Variants in WDR64 observed in about 807,000 individuals in gnomAD.
WDR64 encodes the protein WD repeat domain 64, also known as WD repeat-containing protein 64.
Under a neutral mutation model 139.3 loss-of-function variants are expected in WDR64, and 112 were observed. The observed-to-expected ratio is 0.80, with a 90% confidence interval of 0.69 to 0.94. The LOEUF (loss-of-function observed/expected upper bound fraction) is 0.94, where lower values mean the gene tolerates loss of function less well. Among genes scored for constraint, WDR64 ranks in the 40% least tolerant of loss-of-function variants. The probability of loss-of-function intolerance (pLI) is 0.00; values close to 1 mark genes in which losing one functional copy is unlikely to be tolerated. For synonymous variants in WDR64, 444 were observed against 437.7 expected (o/e 1.01, Z -0.18); for missense variants, 1,206 against 1,293.1 (o/e 0.93, Z 1.03).
At chr1:241,791,606 A>AGG (rs1275825137) in intron 25 of WDR64, among the ~76,000 whole-genome samples, 1 of 151,994 alleles carries the variant, frequency 6.6e-6, no homozygotes, top group Non-Finnish European at 1.5e-5. Flanking sequence ...CAGGAATTTG[A>AGG]GGTTACAGTG....
intron 17 of WDR64, 42 bp downstream of exon 17, chr1:241,769,547 T>C (rs1404163407): frequency 4.0e-6 from 6 of 1,504,824 alleles, no homozygotes; most frequent in South Asian, 1.2e-5. Flanking sequence ...GTCTGGGACT[T>C]AGGTGGCTGA....
chr1:241,777,747 A>G (rs1658711756), intron 21 of WDR64, among the ~76,000 whole-genome samples: 2 of 152,102 alleles, frequency 1.3e-5, no homozygotes, highest in African/African-American at 4.8e-5. Flanking sequence ...AATACTTTTA[A>G]ATTTCCCTTG....
At chr1:241,692,131 C>T (rs1667325895) in intron 8 of WDR64, among the ~76,000 whole-genome samples, 1 of 150,922 alleles carries the variant, frequency 6.6e-6, no homozygotes, top group Non-Finnish European at 1.5e-5. Context: ...TGAGGACAAC[C>T]ACAAAACTCC....
chr1:241,684,212 TGACA>T (rs1230315612), intron 7 of WDR64, among the ~76,000 whole-genome samples: 1 of 152,174 alleles, frequency 6.6e-6, no homozygotes, highest in Non-Finnish European at 1.5e-5. Context: ...GTGACAAATA[TGACA>T]GACAATGGGT....
chr1:241,752,349 T>C (rs1211421573), intron 14 of WDR64, among the ~76,000 whole-genome samples: 1 of 152,250 alleles, frequency 6.6e-6, no homozygotes, highest in African/African-American at 2.4e-5. Context: ...TACTGTTTTA[T>C]ATTACTATAG....
chr1:241,745,367 C>A (rs771907673), intron 13 of WDR64, among the ~76,000 whole-genome samples: 3 of 138,560 alleles, frequency 2.2e-5, no homozygotes, highest in African/African-American at 8.2e-5. Context: ...TCACGTGGAT[C>A]GGTTCTTGAG....
chr1:241,683,660 A>C lies in WDR64; in HGVS notation c.798A>C (p.Arg266Ser), dbSNP rs982477363. The C allele has an allele frequency of 1.7e-5, 26 of 1,551,360 alleles. No homozygotes were observed. Among genetic ancestry groups the C allele is most frequent in the Admixed American group, 2.0e-5 (1 of 50,972 alleles). The part of the protein sequence containing the change: ...DFGIKQAKSK[R>S]KLQNQVLDSK... ...GAATAAAGCAGGCAAAATCCAAAAG[A>C]AAATTACAAAATCAGGTCTTAGACT... Residue 266 changes from arginine to serine, a missense_variant, in exon 7 of 28, where the codon AGA becomes AGC. Coordinates refer to ENST00000437684, the MANE Select transcript of WDR64 (RefSeq NM_001367482.1).
At chr1:241,710,072 A>C (rs926410016) in intron 8 of WDR64, among the ~76,000 whole-genome samples, 1 of 152,090 alleles carries the variant, frequency 6.6e-6, no homozygotes, top group African/African-American at 2.4e-5. Context: ...AAAGAAAAAA[A>C]AAAAGAAAAA....
At chr1:241,711,939 C>T (rs76454190) in intron 9 of WDR64, 58 bp downstream of exon 9, 114,612 of 1,535,994 alleles carry the variant, frequency 0.075, 4,761 homozygotes, top group East Asian at 0.17. Flanking sequence ...TCGTTCTCTT[C>T]GAGTTTTGGT....
intron 2 of WDR64, among the ~76,000 whole-genome samples, chr1:241,663,846 A>G (rs1665926625): frequency 6.6e-6 from 1 of 152,286 alleles, no homozygotes; most frequent in Non-Finnish European, 1.5e-5. Context: ...TCAACTGGAC[A>G]GCACCACTCT....
At chr1:241,750,962 T>C (rs1221402927) in intron 14 of WDR64, among the ~76,000 whole-genome samples, 1 of 152,230 alleles carries the variant, frequency 6.6e-6, no homozygotes, top group Non-Finnish European at 1.5e-5. Flanking sequence ...ATGTTGAAAG[T>C]ATCCTTATTT....
intron 4 of WDR64, among the ~76,000 whole-genome samples, chr1:241,676,746 T>G (rs1239644913): frequency 1.9e-4 from 2 of 10,424 alleles, no homozygotes; most frequent in Non-Finnish European, 6.3e-4. Context: ...AAATTAATGG[T>G]TTTTTTTTTT....
At chr1:241,678,053 A>G in intron 4 of WDR64, 134 bp from the exon 5 acceptor site, 1 of 396,010 alleles carries the variant, frequency 2.5e-6, no homozygotes, top group Non-Finnish European at 4.5e-6. Context: ...AAGGAGAAAC[A>G]GGGAGGAGAC....
At chr1:241,773,925 T>G (rs956918107) in intron 20 of WDR64, among the ~76,000 whole-genome samples, 1 of 152,220 alleles carries the variant, frequency 6.6e-6, no homozygotes, top group Non-Finnish European at 1.5e-5. Context: ...AACACTGAAA[T>G]GTTGAGTATA....
intron 15 of WDR64, 49 bp from the exon 16 acceptor site, chr1:241,766,169 C>T (rs753832834): frequency 5.7e-6 from 9 of 1,579,362 alleles, no homozygotes; most frequent in South Asian, 3.5e-5. Flanking sequence ...GTTTGCACCG[C>T]GAATCATGAA....
intron 13 of WDR64, among the ~76,000 whole-genome samples, chr1:241,748,957 G>A (rs1574066780): frequency 6.7e-6 from 1 of 148,944 alleles, no homozygotes; most frequent in African/African-American, 2.5e-5. Flanking sequence ...AAAAAAGAAA[G>A]AAAGAAAGAA....
intron 14 of WDR64, among the ~76,000 whole-genome samples, chr1:241,754,527 C>T (rs1434891943): frequency 6.6e-6 from 1 of 151,934 alleles, no homozygotes; most frequent in African/African-American, 2.4e-5. Flanking sequence ...ACCATGTTGG[C>T]CAGGATAGTC....
chr1:241,772,941 C>T lies in WDR64; in HGVS notation c.2430+10C>T, dbSNP rs779863624. 7 of 1,546,058 alleles carry T rather than the reference C, an allele frequency of 4.5e-6. No homozygotes were observed. In the South Asian group the frequency reaches 8.4e-5, roughly 19 times the overall value. ...CTTGTGGACTCTGGAGGTAATGGAA[C>T]CCAGCAAGTCTGGGAATAGGAAAGA... On this transcript the variant is annotated intron_variant, in intron 20 of 27. Coordinates refer to ENST00000437684, the MANE Select transcript of WDR64 (RefSeq NM_001367482.1).
chr1:241,766,165 A>G (rs1658156314), intron 15 of WDR64, 53 bp from the exon 16 acceptor site: 2 of 1,576,344 alleles, frequency 1.3e-6, no homozygotes, highest in South Asian at 1.2e-5. Context: ...TGGCGTTTGC[A>G]CCGCGAATCA....
Sources: allele counts gnomAD v4.1 joint callset (sites outside exome capture counted in the v4.1 genomes callset), GRCh38; gene constraint gnomAD v4.1.1; transcripts MANE v1.5; gene names NCBI Gene and HGNC (gene_info 2026-07-23, HGNC 2026-07-21).